The following PEX14 variants were observed in gnomAD, a reference collection of about 807,000 sequenced individuals.
The protein encoded by PEX14 is peroxisomal biogenesis factor 14, also known as peroxisomal membrane protein PEX14.
PEX14 carries 15 observed loss-of-function variants against 49.5 expected under a neutral mutation model. The observed-to-expected ratio is 0.30, with a 90% confidence interval of 0.20 to 0.47. PEX14 has a LOEUF of 0.47. PEX14 is among the 20% of genes least tolerant of loss of function. The pLI, the probability that PEX14 is intolerant of heterozygous loss-of-function variation, is 1.00. For missense variants in PEX14, 398 were observed against 494.8 expected, an observed-to-expected ratio of 0.80 and a Z score of 1.86; for synonymous variants, 210 against 212.7, an observed-to-expected ratio of 0.99 and a Z score of 0.11.
intron 2 of PEX14, among the ~76,000 whole-genome samples, chr1:10,524,063 A>T (rs1186153718): frequency 6.6e-6 from 1 of 152,144 alleles, no homozygotes; most frequent in African/African-American, 2.4e-5. Flanking sequence ...CTGCCACTCG[A>T]GCGCTAATCA....
At chr1:10,576,330 G>A (rs1640114471) in intron 3 of PEX14, among the ~76,000 whole-genome samples, 3 of 152,068 alleles carry the variant, frequency 2.0e-5, no homozygotes, top group Admixed American at 2.0e-4. Flanking sequence ...ATTGAGGGCT[G>A]ATTATGTGTC....
At chr1:10,486,689 C>CTTTT (rs34311886) in intron 1 of PEX14, among the ~76,000 whole-genome samples, 2 of 135,454 alleles carry the variant, frequency 1.5e-5, no homozygotes, top group Non-Finnish European at 1.6e-5. Flanking sequence ...GACTCTGTCT[C>CTTTT]TTTTTTTTTT....
At chr1:10,497,478 A>G (rs992012013) in intron 2 of PEX14, among the ~76,000 whole-genome samples, 1 of 152,208 alleles carries the variant, frequency 6.6e-6, no homozygotes, top group Non-Finnish European at 1.5e-5. Context: ...GGGAACAGAC[A>G]ATTGAGGAAT....
chr1:10,478,944 T>C (rs940422037), intron 1 of PEX14, among the ~76,000 whole-genome samples: 8 of 151,658 alleles, frequency 5.3e-5, no homozygotes, highest in Non-Finnish European at 7.4e-5. Context: ...GTAGAGACGA[T>C]GTTTCACCGT....
chr1:10,504,253 A>T (rs887883279), intron 2 of PEX14, among the ~76,000 whole-genome samples: 1 of 152,016 alleles, frequency 6.6e-6, no homozygotes, highest in Non-Finnish European at 1.5e-5. Context: ...TATAACCGAG[A>T]TTTATGCTTG....
At chr1:10,577,595 T>G (rs1163776036) in intron 3 of PEX14, among the ~76,000 whole-genome samples, 2 of 39,320 alleles carry the variant, frequency 5.1e-5, no homozygotes, top group East Asian at 1.3e-3. Context: ...TTTTTTTTTT[T>G]TTTTTTTTTT....
chr1:10,617,336 T>A (rs1641455280), intron 4 of PEX14, among the ~76,000 whole-genome samples: 1 of 151,960 alleles, frequency 6.6e-6, no homozygotes, highest in Non-Finnish European at 1.5e-5. Context: ...CTGACCACCC[T>A]CAGAGCCTCC....
intron 4 of PEX14, among the ~76,000 whole-genome samples, chr1:10,600,822 G>A (rs1223696466): frequency 6.6e-6 from 1 of 151,976 alleles, no homozygotes; most frequent in Non-Finnish European, 1.5e-5. Flanking sequence ...TGCAAAAAAT[G>A]ATTTAAAACT....
intron 2 of PEX14, among the ~76,000 whole-genome samples, chr1:10,519,095 A>G (rs1043884891): frequency 6.6e-6 from 1 of 152,090 alleles, no homozygotes; most frequent in African/African-American, 2.4e-5. Context: ...ATGATTTCAA[A>G]AGCGGAATTC....
intron 5 of PEX14, among the ~76,000 whole-genome samples, chr1:10,620,448 A>G (rs1314297018): frequency 2.6e-5 from 4 of 152,002 alleles, no homozygotes; most frequent in Non-Finnish European, 5.9e-5. Context: ...AGATCACACT[A>G]CTGCACTCCA....
At chr1:10,607,761 A>T (rs1641166095) in intron 4 of PEX14, among the ~76,000 whole-genome samples, 1 of 152,184 alleles carries the variant, frequency 6.6e-6, no homozygotes, top group South Asian at 2.1e-4. Context: ...TTTTTAATGT[A>T]TTCTGGATTC....
At chr1:10,496,993 C>A (rs985893967) in intron 2 of PEX14, among the ~76,000 whole-genome samples, 37 of 151,742 alleles carry the variant, frequency 2.4e-4, no homozygotes, top group African/African-American at 4.1e-4. Context: ...ATTAAAAAAA[C>A]CCCCGAAATA....
chr1:10,481,775 C>T (rs1641287414), intron 1 of PEX14, among the ~76,000 whole-genome samples: 1 of 151,148 alleles, frequency 6.6e-6, no homozygotes, highest in Non-Finnish European at 1.5e-5. Flanking sequence ...CTGCTTTATA[C>T]AGTTATTGTA....
rs547357293 is a variant in PEX14 at position 10,503,815 on chromosome 1, C to A, written c.84+8494C>A. Among the ~76,000 whole-genome samples the A allele has an allele frequency of 3.9e-4, 60 of 152,160 alleles. 1 individual carries two copies. The South Asian group carries it at 0.012, about 30-fold the overall frequency. On this transcript the variant is annotated intron_variant, in intron 2 of 8. Coordinates refer to ENST00000356607, the MANE Select transcript of PEX14 (RefSeq NM_004565.3). Reference sequence around the variant, plus strand: ...GTGGCACAATCTCAGCTCACTGCAACCTCTGCCTTGGGGGTTCAAGTGATT... The same window carrying A: ...GTGGCACAATCTCAGCTCACTGCAAACTCTGCCTTGGGGGTTCAAGTGATT...
chr1:10,614,438 G>A (rs1429351320), intron 4 of PEX14, among the ~76,000 whole-genome samples: 1 of 151,830 alleles, frequency 6.6e-6, no homozygotes, highest in Non-Finnish European at 1.5e-5. Context: ...GGGACCACAG[G>A]TGTTTCTTGG....
At chr1:10,621,554 C>T (rs150196779) in intron 5 of PEX14, among the ~76,000 whole-genome samples, 2 of 152,168 alleles carry the variant, frequency 1.3e-5, no homozygotes, top group East Asian at 3.9e-4. Flanking sequence ...ACTGTGTTGG[C>T]CAGGCTGGTC....
chr1:10,493,942 C>T (rs920324521), intron 1 of PEX14, among the ~76,000 whole-genome samples: 1 of 152,162 alleles, frequency 6.6e-6, no homozygotes, highest in African/African-American at 2.4e-5. Flanking sequence ...GGAAGGCAGT[C>T]GGATGTGTAT....
intron 3 of PEX14, among the ~76,000 whole-genome samples, chr1:10,563,279 G>C (rs1206711627): frequency 6.6e-6 from 1 of 151,180 alleles, no homozygotes; most frequent in Non-Finnish European, 1.5e-5. Context: ...TAGAACTCTA[G>C]ATTGGCAGTT....
At chr1:10,499,427 A>G (rs995958851) in intron 2 of PEX14, among the ~76,000 whole-genome samples, 2 of 149,166 alleles carry the variant, frequency 1.3e-5, no homozygotes, top group African/African-American at 2.5e-5. Context: ...CTCTCCACCA[A>G]AATAATCCCA....
Sources: allele counts gnomAD v4.1 joint callset (sites outside exome capture counted in the v4.1 genomes callset), GRCh38; gene constraint gnomAD v4.1.1; transcripts MANE v1.5; gene names NCBI Gene and HGNC (gene_info 2026-07-23, HGNC 2026-07-21).